The following AGFG2 variants were observed in gnomAD, a reference collection of about 807,000 sequenced individuals.
AGFG2 encodes the protein arf-GAP domain and FG repeat-containing protein 2.
AGFG2 carries 31 observed loss-of-function variants against 48.0 expected under a neutral mutation model. The ratio of observed to expected loss-of-function variants is 0.65; its 90% CI spans 0.49 to 0.87. AGFG2 has a LOEUF of 0.87. AGFG2 is among the 40% of genes least tolerant of loss of function. The probability of loss-of-function intolerance (pLI) is 0.00; values close to 1 mark genes in which losing one functional copy is unlikely to be tolerated. For synonymous variants in AGFG2, 229 were observed against 260.8 expected, an observed-to-expected ratio of 0.88 and a Z score of 1.18; for missense variants, 599 against 632.6, an observed-to-expected ratio of 0.95 and a Z score of 0.57.
chr7:100,555,627 G>T lies in AGFG2; in HGVS notation c.769G>T (p.Gly257Ter). ...PAFGGQTPSQ[G>*]GFANFDAFSS... ...ACCTACAGGCCAGACACCTTCCCAA[G>T]GAGGCTTTGCCAACTTTGATGCCTT... Residue 257 changes from glycine to a stop codon, truncating the protein, a stop_gained, in exon 6 of 12, where the codon GGA (glycine) becomes TGA (stop). Coordinates refer to ENST00000300176, the MANE Select transcript of AGFG2 (RefSeq NM_006076.5). LOFTEE classifies it high-confidence loss of function. 6.2e-7 allele frequency: 1 copy of T among 1,613,738 alleles called. No individual in the cohort carries two copies. Among genetic ancestry groups the T allele is most frequent in the Non-Finnish European group, 8.5e-7 (1 of 1,179,788 alleles).
In AGFG2 at chr7:100,551,818, C is replaced by A. The variant is rs554835554; in HGVS notation, c.431+1307C>A. Among the ~76,000 whole-genome samples, 325 of 123,938 alleles carry A rather than the reference C, an allele frequency of 2.6e-3. 3 individuals carry two copies. Among genetic ancestry groups the A allele is most frequent in the African/African-American group, 9.6e-3 (309 of 32,116 alleles). 81.3% of individuals were successfully genotyped at this position (123,938 alleles called of 152,430 possible). A position where few individuals can be genotyped will look rare whatever the true frequency, so the allele number is the denominator to read the frequency against. On this transcript the variant is annotated intron_variant, in intron 3 of 11. Coordinates refer to ENST00000300176, the MANE Select transcript of AGFG2 (RefSeq NM_006076.5). ...AGGAAAATTGCTTGAACCCAGGAGGCGGAGGTTGCAGTGAGCTGAGATCAT... is the reference window on the plus strand; with the variant it reads ...AGGAAAATTGCTTGAACCCAGGAGGAGGAGGTTGCAGTGAGCTGAGATCAT...
intron 1 of AGFG2, among the ~76,000 whole-genome samples, chr7:100,542,164 C>T (rs117521280): frequency 1.1e-4 from 17 of 152,202 alleles, no homozygotes; most frequent in Admixed American, 3.3e-4. Context: ...TACAGGCACG[C>T]GCTACCACAT....
intron 2 of AGFG2, 121 bp downstream of exon 2, chr7:100,549,036 T>C: frequency 5.3e-6 from 4 of 760,650 alleles, no homozygotes; most frequent in Middle Eastern, 3.7e-4. Flanking sequence ...TTTTTTCATA[T>C]GTATGATTTC....
chr7:100,551,054 A>C (rs1304777655), intron 3 of AGFG2, among the ~76,000 whole-genome samples: 1 of 76,240 alleles, frequency 1.3e-5, no homozygotes, highest in Non-Finnish European at 3.0e-5. Context: ...ATATATATAT[A>C]TATATATATA....
intron 1 of AGFG2, among the ~76,000 whole-genome samples, chr7:100,548,297 CT>C (rs1042846504): frequency 1.4e-5 from 2 of 145,738 alleles, no homozygotes; most frequent in African/African-American, 5.0e-5. Context: ...TTTGGAGATT[CT>C]TTTTTTTGGG....
chr7:100,540,065 G>A (rs1169146226), intron 1 of AGFG2, among the ~76,000 whole-genome samples: 3 of 151,170 alleles, frequency 2.0e-5, no homozygotes, highest in African/African-American at 7.3e-5. Flanking sequence ...TGGAGTGTGA[G>A]ATGCAGAAGC....
chr7:100,562,991 C>A lies in AGFG2; in HGVS notation c.1171+45C>A. The A allele has an allele frequency of 6.5e-7, 1 of 1,531,568 alleles. No homozygotes were observed. The highest frequency in any genetic ancestry group is 9.0e-7 in the Non-Finnish European group (1 of 1,111,282). The allele number at this position is 1,531,568 out of a possible 1,614,324, so 94.9% of individuals were successfully genotyped here. A position where few individuals can be genotyped will look rare whatever the true frequency, so the allele number is the denominator to read the frequency against. ...CCTTGTCCTGACCATCTGAGACTTC[C>A]AAGGCACACATTACCCTGCAGCCTC... On this transcript the variant is annotated intron_variant, in intron 9 of 11. Transcript: ENST00000300176. This position sits in a 1 kb window ranked among gnomAD's most constrained non-coding sequence, Gnocchi z 5.4.
intron 1 of AGFG2, among the ~76,000 whole-genome samples, chr7:100,542,037 A>G (rs183011494): frequency 1.3e-5 from 2 of 152,092 alleles, no homozygotes; most frequent in East Asian, 1.9e-4. Context: ...TTTTTTTGAG[A>G]TGGAGTCTCA....
In AGFG2 at chr7:100,539,581, A is replaced by G. The variant is rs1584377035; in HGVS notation, c.221+14A>G. ...CTCCGGCCTCCTGTGAGTGACCGGG[A>G]GGGAGTGGCCGAGGTCGGCGTGGGG... On this transcript the variant is annotated intron_variant, in intron 1 of 11. Coordinates refer to ENST00000300176, the MANE Select transcript of AGFG2 (RefSeq NM_006076.5). The G allele has an allele frequency of 5.7e-6, 4 of 703,062 alleles. No homozygotes were observed. Among genetic ancestry groups the G allele is most frequent in the Non-Finnish European group, 1.7e-6 (1 of 597,104 alleles). 43.6% of individuals were successfully genotyped at this position (703,062 alleles called of 1,614,324 possible).
chr7:100,541,353 T>C (rs1354192352), intron 1 of AGFG2, among the ~76,000 whole-genome samples: 2 of 152,196 alleles, frequency 1.3e-5, no homozygotes, highest in Non-Finnish European at 2.9e-5. Context: ...TCATCGTGGC[T>C]CTTGGGATAA....
intron 11 of AGFG2, 33 bp downstream of exon 11, chr7:100,564,336 C>G (rs776172779): frequency 6.3e-7 from 1 of 1,592,126 alleles, no homozygotes; most frequent in Non-Finnish European, 8.6e-7. Flanking sequence ...TGTGGTAGGG[C>G]TCGTGGGCTT....
chr7:100,555,884 T>C, intron 6 of AGFG2, 149 bp downstream of exon 6: 1 of 1,093,716 alleles, frequency 9.1e-7, no homozygotes, highest in South Asian at 1.8e-5. Context: ...GATGAGCGTG[T>C]CTGACACATT....
chr7:100,551,351 AG>A (rs1012539072), intron 3 of AGFG2, among the ~76,000 whole-genome samples: 9 of 151,210 alleles, frequency 6.0e-5, no homozygotes, highest in African/African-American at 2.2e-4. Flanking sequence ...TACAGGCGTG[AG>A]CCACTGCGCC....
In AGFG2 at chr7:100,562,240, AT is replaced by A; in HGVS notation, c.878-15del. The stretch of plus-strand genomic sequence containing the variant: ...GTCTTACCTCAGCTCTCCCTGTTGT[AT>A]TTTCCACAACTGCCCAGGGAGCAGC... On this transcript the variant is annotated intron_variant, in intron 6 of 11. Coordinates refer to ENST00000300176, the MANE Select transcript of AGFG2 (RefSeq NM_006076.5). The surrounding 1 kb of genome is among the most constrained non-coding windows in gnomAD (Gnocchi z 5.4). 6.2e-7 allele frequency: 1 copy of A among 1,610,660 alleles called. No homozygotes were observed. The highest frequency in any genetic ancestry group is 8.5e-7 in the Non-Finnish European group (1 of 1,178,192).
chr7:100,554,307 A>C (rs1177833218), intron 5 of AGFG2, 49 bp downstream of exon 5: 1 of 1,550,774 alleles, frequency 6.4e-7, no homozygotes, highest in East Asian at 2.3e-5. Flanking sequence ...TATGCTTACA[A>C]CATGAGAGAT....
At position 100,563,037 on chromosome 7, in the gene AGFG2, C is replaced by T. The variant is rs191765936; in HGVS notation, c.1171+91C>T. 6.8e-4 allele frequency: 881 copies of T among 1,293,392 alleles called. 2 individuals carry two copies. The African/African-American group carries it at 7.3e-3, about 11-fold the overall frequency. 80.1% of individuals were successfully genotyped at this position (1,293,392 alleles called of 1,614,324 possible). A position where few individuals can be genotyped will look rare whatever the true frequency, so the allele number is the denominator to read the frequency against. On this transcript the variant is annotated intron_variant, in intron 9 of 11. Transcript: ENST00000300176. ...GCCTCTCCCTTAACCCTTTGTCTCA[C>T]GCTGTCAGGAGAAGCAGACAGCCTG...
At chr7:100,540,513 C>T (rs1800402442) in intron 1 of AGFG2, among the ~76,000 whole-genome samples, 1 of 152,044 alleles carries the variant, frequency 6.6e-6, no homozygotes, top group South Asian at 2.1e-4. Flanking sequence ...ACAATTCTAG[C>T]CTAGATTTCT....
intron 10 of AGFG2, 68 bp from the exon 11 acceptor site, chr7:100,564,150 G>C: frequency 6.4e-7 from 1 of 1,557,402 alleles, no homozygotes. Flanking sequence ...GTTTAGGAGG[G>C]CCCCCCTTGC....
intron 1 of AGFG2, 147 bp from the exon 2 acceptor site, chr7:100,548,675 A>G (rs1298927320): frequency 3.3e-6 from 2 of 599,272 alleles, no homozygotes; most frequent in Non-Finnish European, 6.0e-6. Context: ...TCCTGGAATT[A>G]GGAAGTAGCT....
Sources: allele counts gnomAD v4.1 joint callset (sites outside exome capture counted in the v4.1 genomes callset), GRCh38; gene constraint gnomAD v4.1.1; non-coding constraint Gnocchi (gnomAD v3.1); transcripts MANE v1.5; gene names NCBI Gene and HGNC (gene_info 2026-07-23, HGNC 2026-07-21).